RYR2: variants seen among roughly 807,000 people sequenced by gnomAD.
The protein encoded by RYR2 is ryanodine receptor 2, also known as cardiac muscle ryanodine receptor-calcium release channel.
A neutral mutation model predicts 601.1 loss-of-function variants in RYR2; 227 were observed. The ratio of observed to expected loss-of-function variants is 0.38; its 90% confidence interval spans 0.34 to 0.42. The LOEUF (loss-of-function observed/expected upper bound fraction) is 0.42, where lower values mean the gene tolerates loss of function less well. RYR2 is among the 10% of genes least tolerant of loss of function. RYR2 has a pLI of 1.00. For synonymous variants in RYR2, 2,223 were observed against 2,175.1 expected (o/e 1.02, Z -0.61); for missense variants, 4,646 against 6,156.5 (o/e 0.75, Z 8.21).
At chr1:237,551,265 C>T (rs776388591) in intron 27 of RYR2, among the ~76,000 whole-genome samples, 2 of 152,118 alleles carry the variant, frequency 1.3e-5, no homozygotes, top group African/African-American at 2.4e-5. Flanking sequence ...CATGGTGGCT[C>T]ACGCCTGTAA....
chr1:237,072,197 G>A (rs1015047726), intron 1 of RYR2, among the ~76,000 whole-genome samples: 18 of 152,194 alleles, frequency 1.2e-4, no homozygotes, highest in Non-Finnish European at 2.2e-4. Context: ...GGCTCCATGG[G>A]GCATGCCGCC....
intron 3 of RYR2, among the ~76,000 whole-genome samples, chr1:237,341,113 C>T (rs1019302895): frequency 6.6e-6 from 1 of 152,168 alleles, no homozygotes; most frequent in East Asian, 1.9e-4. Context: ...TAGTTAGGCA[C>T]TGTTTTAGAT....
rs527910200 is a variant in RYR2, at chr1:237,450,525, C to T, written c.1293-3866C>T. Among the ~76,000 whole-genome samples the T allele has an allele frequency of 6.1e-4, 88 of 143,858 alleles. 1 individual carries two copies. The highest frequency in any genetic ancestry group is 2.1e-3 in the African/African-American group (85 of 40,304). The allele number at this position is 143,858 out of a possible 152,430, so 94.4% of individuals were successfully genotyped here. On this transcript the variant is annotated intron_variant, in intron 14 of 104. Transcript: ENST00000366574. ...CGTGTTTGTTTGGTCCCTGCCCCGCCACTCCCCATTATACTTTGTTTTTTT... is the reference window on the plus strand; with the variant it reads ...CGTGTTTGTTTGGTCCCTGCCCCGCTACTCCCCATTATACTTTGTTTTTTT...
At chr1:237,207,171 T>C (rs1394979343) in intron 1 of RYR2, among the ~76,000 whole-genome samples, 1 of 151,488 alleles carries the variant, frequency 6.6e-6, no homozygotes, top group Non-Finnish European at 1.5e-5. Flanking sequence ...TAAAAAATAA[T>C]TCAGGGGTTG....
At chr1:237,334,791 T>A (rs1251037335) in intron 3 of RYR2, among the ~76,000 whole-genome samples, 3 of 152,180 alleles carry the variant, frequency 2.0e-5, no homozygotes, top group Non-Finnish European at 4.4e-5. Context: ...TCTGTATTGC[T>A]CTTCTTGCTC....
At chr1:237,354,882 C>T (rs997837706) in intron 3 of RYR2, among the ~76,000 whole-genome samples, 11 of 152,256 alleles carry the variant, frequency 7.2e-5, no homozygotes, top group Non-Finnish European at 1.6e-4. Flanking sequence ...TGCTCTGTTA[C>T]AAGTAACCTA....
At chr1:237,771,404 C>T (rs1052218935) in intron 85 of RYR2, among the ~76,000 whole-genome samples, 1 of 135,828 alleles carries the variant, frequency 7.4e-6, no homozygotes, top group African/African-American at 2.9e-5. Flanking sequence ...CAGCAAGATC[C>T]TGTCTCTCAA....
At chr1:237,593,266 T>G (rs895758595) in intron 32 of RYR2, among the ~76,000 whole-genome samples, 1 of 152,200 alleles carries the variant, frequency 6.6e-6, no homozygotes, top group African/African-American at 2.4e-5. Context: ...CTGTTATTTC[T>G]TATTTAATTC....
chr1:237,308,063 T>C (rs1694072123), intron 2 of RYR2, among the ~76,000 whole-genome samples: 1 of 152,108 alleles, frequency 6.6e-6, no homozygotes, highest in African/African-American at 2.4e-5. Flanking sequence ...TGCGCTGCAT[T>C]CTCATAAAGT....
At chr1:237,193,514 C>A (rs1680237934) in intron 1 of RYR2, among the ~76,000 whole-genome samples, 2 of 152,188 alleles carry the variant, frequency 1.3e-5, no homozygotes, top group South Asian at 4.2e-4. Context: ...TAACTTGTCA[C>A]AATGGTGATG....
At position 237,550,622 on chromosome 1, in the gene RYR2, A is replaced by G; in HGVS notation, c.3145A>G (p.Ser1049Gly). Reference sequence around the variant, plus strand: ...CCGAACCAAGAAATCCAACAAGGACAGCCTCCGCGAGGCTGTGCGCACGCT... The same window carrying G: ...CCGAACCAAGAAATCCAACAAGGACGGCCTCCGCGAGGCTGTGCGCACGCT... ...DDRTKKSNKD[S>G]LREAVRTLLG... The change falls in exon 27 of 105, where the codon AGC becomes GGC. Residue 1049 changes from serine (S) to glycine (G), a missense_variant. Physicochemically the swap from Ser to Gly is moderately conservative, Grantham distance 56. Transcript: ENST00000366574. 1 of 1,593,450 alleles carries G rather than the reference A, an allele frequency of 6.3e-7. No individual in the cohort carries two copies. Among genetic ancestry groups the G allele is most frequent in the Non-Finnish European group, 8.6e-7 (1 of 1,169,566 alleles).
chr1:237,104,116 C>T (rs559316452), intron 1 of RYR2, among the ~76,000 whole-genome samples: 5 of 152,280 alleles, frequency 3.3e-5, no homozygotes, highest in South Asian at 2.1e-4. Flanking sequence ...GCTTTCCTCT[C>T]GCCCATCCAT....
Position 237,042,386 on chromosome 1 carries a change from C to A in RYR2, c.-136C>A. The stretch of plus-strand genomic sequence containing the variant: ...CGCTCTGCAGGCGGGGACCGCCCGG[C>A]GCTCGGCACCCGGCAGCGCGGCCCC... On this transcript the variant is annotated 5_prime_UTR_variant, in exon 1 of 105. Coordinates refer to ENST00000366574, the MANE Select transcript of RYR2 (RefSeq NM_001035.3). 1.2e-6 allele frequency: 1 copy of A among 858,676 alleles called. No homozygotes were observed. The highest frequency in any genetic ancestry group is 1.5e-6 in the Non-Finnish European group (1 of 665,250). The allele number at this position is 858,676 out of a possible 1,614,324, so 53.2% of individuals were successfully genotyped here.
intron 12 of RYR2, among the ~76,000 whole-genome samples, chr1:237,425,733 TGAGGAG>T (rs1383805216): frequency 2.0e-5 from 3 of 151,048 alleles, no homozygotes; most frequent in Non-Finnish European, 4.4e-5. Flanking sequence ...TTGTGTAGGC[TGAGGAG>T]GAGGAGGAGG....
intron 1 of RYR2, among the ~76,000 whole-genome samples, chr1:237,144,643 A>G (rs1357041324): frequency 6.6e-6 from 1 of 152,228 alleles, no homozygotes; most frequent in East Asian, 1.9e-4. Context: ...AAGGATGGGC[A>G]ACATCTCTTA....
chr1:237,523,542 C>T (rs1572710025), intron 24 of RYR2, among the ~76,000 whole-genome samples: 2 of 152,206 alleles, frequency 1.3e-5, no homozygotes, highest in East Asian at 1.9e-4. Flanking sequence ...AGAAACCAGC[C>T]TGGCCAACAT....
intron 4 of RYR2, among the ~76,000 whole-genome samples, chr1:237,363,218 T>C (rs1281258667): frequency 6.6e-6 from 1 of 152,116 alleles, no homozygotes; most frequent in African/African-American, 2.4e-5. Context: ...ATCTCTACCA[T>C]TAGTGAGTCA....
At chr1:237,175,349 C>G (rs1273983211) in intron 1 of RYR2, among the ~76,000 whole-genome samples, 1 of 151,984 alleles carries the variant, frequency 6.6e-6, no homozygotes, top group Non-Finnish European at 1.5e-5. Context: ...AAAATGGTTG[C>G]TTTGGAACCT....
chr1:237,595,726 A>G, intron 34 of RYR2, 69 bp downstream of exon 34: 1 of 1,518,366 alleles, frequency 6.6e-7, no homozygotes, highest in Non-Finnish European at 8.8e-7. Flanking sequence ...AGGAAAACAC[A>G]GTTTGTAAGA....
Sources: gnomAD v4.1 joint callset for allele counts (sites outside exome capture counted in the v4.1 genomes callset) on GRCh38, gnomAD v4.1.1 for gene constraint, MANE v1.5 for transcripts, NCBI Gene and HGNC (gene_info 2026-07-23, HGNC 2026-07-21) for gene names.